MMP19: variants seen among roughly 807,000 people sequenced by gnomAD.
The protein encoded by MMP19 is matrix metalloproteinase-19.
In MMP19, 47 loss-of-function variants were observed where a neutral mutation model predicts 46.6. The ratio of observed to expected loss-of-function variants is 1.01; its 90% CI spans 0.80 to 1.29. The LOEUF (loss-of-function observed/expected upper bound fraction) is 1.29, where lower values mean the gene tolerates loss of function less well. Among genes scored for constraint, MMP19 ranks in the 50% most tolerant of loss-of-function variants. MMP19 has a pLI of 0.00. For synonymous variants in MMP19, 222 were observed against 248.5 expected (o/e 0.89, Z 1.00); for missense variants, 589 against 643.5 (o/e 0.92, Z 0.92).
rs78648991 is a variant in MMP19, at chr12:55,837,140, G to A, written c.1423C>T (p.Arg475Trp). 8.1e-5 allele frequency: 130 copies of A among 1,614,020 alleles called. No homozygotes were observed. In the East Asian group the frequency reaches 2.1e-3, roughly 26 times the overall value. ...CCTGATGGGGTAGTGTCTATAGTCC[G>A]GGGACGACAGTGCATCCAGTTGTGG... ...ISHNWMHCRPRTIDTTPSGGN... is the reference protein window; with the variant it reads ...ISHNWMHCRPWTIDTTPSGGN... The change falls in exon 9 of 9, where the codon CGG becomes TGG. Residue 475 changes from arginine to tryptophan, a missense_variant. Coordinates refer to ENST00000322569, the MANE Select transcript of MMP19 (RefSeq NM_002429.6).
At chr12:55,840,633 G>A in intron 4 of MMP19, 34 bp downstream of exon 4, 2 of 1,583,792 alleles carry the variant, frequency 1.3e-6, no homozygotes, top group Non-Finnish European at 1.7e-6. Flanking sequence ...AATCTCAGAG[G>A]TCTATGAGGT....
chr12:55,836,807 G>A lies in MMP19; in HGVS notation c.*229C>T. On this transcript the variant is annotated 3_prime_UTR_variant, in exon 9 of 9. Transcript: ENST00000322569. ...AATCTAAGTTAGGGGATCTGAGTTA[G>A]GGGAGCACTTCTCAGGAGTGAAAAT... The A allele has an allele frequency of 2.3e-6, 1 of 433,354 alleles. No individual in the cohort carries two copies. Among genetic ancestry groups the A allele is most frequent in the Non-Finnish European group, 4.1e-6 (1 of 244,034 alleles). The allele number at this position is 433,354 out of a possible 1,614,324, so 26.8% of individuals were successfully genotyped here.
chr12:55,837,479 G>A, intron 8 of MMP19, 76 bp downstream of exon 8: 2 of 1,598,632 alleles, frequency 1.3e-6, no homozygotes, highest in Non-Finnish European at 1.7e-6. Flanking sequence ...CTCCCTTCAA[G>A]CGCAAGCTTT....
chr12:55,841,064 T>C (rs372648526), intron 3 of MMP19, 42 bp downstream of exon 3: 3 of 1,600,036 alleles, frequency 1.9e-6, no homozygotes, highest in Non-Finnish European at 2.6e-6. Context: ...CAGAACCACA[T>C]CACCCCCTCC....
rs1881539764 is a variant in MMP19, at chr12:55,839,671, A to G, written c.591T>C (p.Thr197=). Residue 197 remains threonine (T), a synonymous_variant, in exon 5 of 9, where the codon ACT becomes ACC. Transcript: ENST00000322569. ...GGTTCACCCCACGGTAGGTCCCCTCAGTCCAGAACTCGTCTTCGTCGAAGT... is the reference window on the plus strand; with the variant it reads ...GGTTCACCCCACGGTAGGTCCCCTCGGTCCAGAACTCGTCTTCGTCGAAGT... ...SVHFDEDEFW[T]EGTYRGVNLR... The G allele has an allele frequency of 6.2e-7, 1 of 1,614,276 alleles. No homozygotes were observed. Among genetic ancestry groups the G allele is most frequent in the Non-Finnish European group, 8.5e-7 (1 of 1,180,042 alleles).
At position 55,836,847 on chromosome 12, in the gene MMP19, T is replaced by G; in HGVS notation, c.*189A>C. On this transcript the variant is annotated 3_prime_UTR_variant, in exon 9 of 9. Coordinates refer to ENST00000322569, the MANE Select transcript of MMP19 (RefSeq NM_002429.6). ...GGAGTGAAAATGCACAGGAAAGTGG[T>G]GGCTGGAGTTGGAAGTGTTAGAGGC... is the stretch of plus-strand genomic sequence containing the variant. 1.9e-6 allele frequency: 1 copy of G among 526,320 alleles called. No individual in the cohort carries two copies. The highest frequency in any genetic ancestry group is 3.3e-6 in the Non-Finnish European group (1 of 302,480). 32.6% of individuals were successfully genotyped at this position (526,320 alleles called of 1,614,324 possible).
In MMP19 at chr12:55,837,146, G is replaced by A. The variant is rs377745970; in HGVS notation, c.1417C>T (p.Arg473Cys). 4.6e-5 allele frequency: 75 copies of A among 1,614,026 alleles called. 1 individual carries two copies. Among genetic ancestry groups the A allele is most frequent in the Admixed American group, 3.2e-4 (19 of 59,998 alleles). Residue 473 changes from arginine (R) to cysteine (C), a missense_variant, in exon 9 of 9, where the codon CGT becomes TGT. Transcript: ENST00000322569. ...GGGGTAGTGTCTATAGTCCGGGGAC[G>A]ACAGTGCATCCAGTTGTGGGAAATA... The part of the protein sequence containing the change: ...RNISHNWMHC[R>C]PRTIDTTPSG...
At chr12:55,838,070 G>T in intron 6 of MMP19, 63 bp from the exon 7 acceptor site, 2 of 1,468,938 alleles carry the variant, frequency 1.4e-6, no homozygotes, top group South Asian at 1.4e-5. Flanking sequence ...AAACTTGGGG[G>T]TATCTCAGGC....
Position 55,840,870 on chromosome 12 carries a change from T to C in MMP19, c.317A>G (p.Lys106Arg), listed in dbSNP as rs757846717. Reference sequence around the variant, plus strand: ...CAAGATGCGGAAAGTCAGGTGCTTCTTTCTCCAGCGGCCTAGTTAATGACC... The same window carrying C: ...CAAGATGCGGAAAGTCAGGTGCTTCCTTCTCCAGCGGCCTAGTTAATGACC... ...LKYLLLGRWR[K>R]KHLTFRILNL... The change falls in exon 4 of 9, where the codon AAG becomes AGG. Residue 106 changes from lysine (K) to arginine (R), a missense_variant. Transcript: ENST00000322569. 42 of 1,585,548 alleles carry C rather than the reference T, an allele frequency of 2.6e-5. No homozygotes were observed. Among genetic ancestry groups the C allele is most frequent in the Non-Finnish European group, 3.4e-5 (40 of 1,161,850 alleles).
At position 55,842,851 on chromosome 12, in the gene MMP19, C is replaced by A; in HGVS notation, c.-21G>T. 6.4e-7 allele frequency: 1 copy of A among 1,572,582 alleles called. No individual in the cohort carries two copies. On this transcript the variant is annotated 5_prime_UTR_variant, in exon 1 of 9. Transcript: ENST00000322569. ...TTCATGGTCCCACCAGACGAGAGCT[C>A]CAGAGGCTGTCCGTGCCTCTGACCT...
chr12:55,839,241 CAAA>C (rs763182567), intron 5 of MMP19, among the ~76,000 whole-genome samples: 5 of 58,770 alleles, frequency 8.5e-5, no homozygotes, highest in Non-Finnish European at 1.4e-4. Context: ...GGCTCTATCT[CAAA>C]AAAAAAAAAA....
chr12:55,836,886 T>A lies in MMP19; in HGVS notation c.*150A>T. 1 of 695,410 alleles carries A rather than the reference T, an allele frequency of 1.4e-6. No individual in the cohort carries two copies. Among genetic ancestry groups the A allele is most frequent in the Non-Finnish European group, 2.4e-6 (1 of 422,740 alleles). The allele number at this position is 695,410 out of a possible 1,614,324, so 43.1% of individuals were successfully genotyped here. ...AGTGTTAGAGGCCTGAGATCTACGG[T>A]CTTGCGCCTGCTACAGCACCTGCAA... is the stretch of plus-strand genomic sequence containing the variant. On this transcript the variant is annotated 3_prime_UTR_variant, in exon 9 of 9. Transcript: ENST00000322569.
chr12:55,836,662 C>T lies in MMP19; in HGVS notation c.*374G>A, dbSNP rs548479120. On this transcript the variant is annotated 3_prime_UTR_variant, in exon 9 of 9. Coordinates refer to ENST00000322569, the MANE Select transcript of MMP19 (RefSeq NM_002429.6). The stretch of plus-strand genomic sequence containing the variant: ...CTCAGTTTACTGGCCATGCTGTTTT[C>T]TTGCATTTTATGTAGGAAGAACAGG... The T allele has an allele frequency of 5.9e-6, 1 of 169,386 alleles. No individual in the cohort carries two copies. Among genetic ancestry groups the T allele is most frequent in the African/African-American group, 2.4e-5 (1 of 42,126 alleles). 10.5% of individuals were successfully genotyped at this position (169,386 alleles called of 1,614,324 possible). A position where few individuals can be genotyped will look rare whatever the true frequency, so the allele number is the denominator to read the frequency against.
rs1185882656 is a variant in MMP19 at position 55,837,583 on chromosome 12, G to A, written c.1160C>T (p.Pro387Leu). 6.2e-7 allele frequency: 1 copy of A among 1,614,188 alleles called. No individual in the cohort carries two copies. ...AAAGAGGAACACCTTTTGGTTGAGA[G>A]GCCAATAGAGAGCTGCATCCAGGTT... ...EPNLDAALYW[P>L]LNQKVFLFKG... The change falls in exon 8 of 9, where the codon CCT becomes CTT. Residue 387 changes from proline (P) to leucine (L), a missense_variant. Pro to Leu is a moderately conservative substitution (Grantham distance 98). Coordinates refer to ENST00000322569, the MANE Select transcript of MMP19 (RefSeq NM_002429.6).
chr12:55,841,798 T>C (rs1881722575), intron 2 of MMP19, among the ~76,000 whole-genome samples: 1 of 152,114 alleles, frequency 6.6e-6, no homozygotes. Context: ...CCACTAGTGC[T>C]CCCACCTGAC....
Position 55,842,242 on chromosome 12 carries a change from C to T in MMP19, c.173+111G>A, listed in dbSNP as rs576009495. The T allele has an allele frequency of 7.1e-6, 6 of 842,364 alleles. No individual in the cohort carries two copies. In the East Asian group the frequency reaches 1.5e-4, roughly 21 times the overall value. The allele number at this position is 842,364 out of a possible 1,614,324, so 52.2% of individuals were successfully genotyped here. A position where few individuals can be genotyped will look rare whatever the true frequency, so the allele number is the denominator to read the frequency against. On this transcript the variant is annotated intron_variant, in intron 2 of 8. Transcript: ENST00000322569. ...TAATGATCGCCACCCATCTCTAAAT[C>T]CCTGGCATGGTTTAGGGTCAGGAGG...
chr12:55,840,578 C>A (rs1382127961), intron 4 of MMP19, 89 bp downstream of exon 4: 3 of 1,344,652 alleles, frequency 2.2e-6, no homozygotes, highest in Non-Finnish European at 1.0e-6. Flanking sequence ...AAAGAGCAGC[C>A]CAAACATCAA....
Position 55,836,926 on chromosome 12 carries a change from G to T in MMP19, c.*110C>A. ...AGCACCTGCAAGGTTCTACTGAGCA[G>T]ACAGGTATTTCATTCAGCTATTAGG... On this transcript the variant is annotated 3_prime_UTR_variant, in exon 9 of 9. Coordinates refer to ENST00000322569, the MANE Select transcript of MMP19 (RefSeq NM_002429.6). The T allele has an allele frequency of 9.7e-7, 1 of 1,031,054 alleles. No individual in the cohort carries two copies. The highest frequency in any genetic ancestry group is 1.4e-6 in the Non-Finnish European group (1 of 706,556). The allele number at this position is 1,031,054 out of a possible 1,614,324, so 63.9% of individuals were successfully genotyped here.
chr12:55,839,599 C>A lies in MMP19; in HGVS notation c.663G>T (p.Gly221=), dbSNP rs1292507745. ...TGAGGGCCTGGGAATATCGGGAGTG[C>A]CCAAGCCCCAGAGCATGGCCCACTT... ...AHEVGHALGL[G]HSRYSQALMA... Residue 221 remains glycine, a synonymous_variant, in exon 5 of 9, where the codon GGG becomes GGT. Transcript: ENST00000322569. 6.2e-7 allele frequency: 1 copy of A among 1,614,188 alleles called. No individual in the cohort carries two copies. The highest frequency in any genetic ancestry group is 8.5e-7 in the Non-Finnish European group (1 of 1,180,016).
Sources: allele counts gnomAD v4.1 joint callset (sites outside exome capture counted in the v4.1 genomes callset), GRCh38; gene constraint gnomAD v4.1.1; transcripts MANE v1.5; gene names NCBI Gene and HGNC (gene_info 2026-07-23, HGNC 2026-07-21).